Variants in DCC observed in about 807,000 individuals in gnomAD.
DCC encodes the protein netrin receptor DCC.
A neutral mutation model predicts 172.5 loss-of-function variants in DCC; 58 were observed. The ratio of observed to expected loss-of-function variants is 0.34; its 90% CI spans 0.27 to 0.42. The LOEUF is 0.42. DCC is among the 10% of genes least tolerant of loss of function. The pLI is 1.00. For synonymous variants in DCC, 709 were observed against 644.5 expected (o/e 1.10, Z -1.52); for missense variants, 1,740 against 1,791.0 (o/e 0.97, Z 0.51).
At chr18:52,464,213 C>T (rs185848787) in intron 1 of DCC, among the ~76,000 whole-genome samples, 2 of 152,192 alleles carry the variant, frequency 1.3e-5, no homozygotes, top group East Asian at 3.9e-4. Flanking sequence ...ACAAATTCAT[C>T]CTAGTTCGGG....
intron 2 of DCC, among the ~76,000 whole-genome samples, chr18:52,867,349 TTG>T (rs1201297463): frequency 6.6e-6 from 1 of 152,188 alleles, no homozygotes; most frequent in African/African-American, 2.4e-5. Flanking sequence ...TCCTTTTTTG[TTG>T]TGTCTCTGTC....
At chr18:52,570,419 T>C (rs1382700693) in intron 1 of DCC, among the ~76,000 whole-genome samples, 5 of 152,216 alleles carry the variant, frequency 3.3e-5, no homozygotes, top group Non-Finnish European at 7.3e-5. Flanking sequence ...TCTGGGTTTG[T>C]TGGTTTTGCA....
intron 1 of DCC, among the ~76,000 whole-genome samples, chr18:52,502,159 A>G (rs1262509538): frequency 6.6e-6 from 1 of 152,190 alleles, no homozygotes; most frequent in East Asian, 1.9e-4. Context: ...AGTTTGTATT[A>G]TAGATATATA....
chr18:52,483,573 C>T (rs1193085043), intron 1 of DCC, among the ~76,000 whole-genome samples: 1 of 152,016 alleles, frequency 6.6e-6, no homozygotes, highest in East Asian at 1.9e-4. Flanking sequence ...GCATTATATT[C>T]TTGTCTAGCT....
chr18:53,046,921 T>G (rs1197768749), intron 5 of DCC, among the ~76,000 whole-genome samples: 1 of 151,718 alleles, frequency 6.6e-6, no homozygotes, highest in Non-Finnish European at 1.5e-5. Context: ...CTCCTGTCTT[T>G]CATTTTTTTA....
Position 53,446,894 on chromosome 18 carries a change from T to C in DCC, c.3230-3606T>C, listed in dbSNP as rs201421540. Among the ~76,000 whole-genome samples the C allele has an allele frequency of 3.3e-5, 5 of 152,334 alleles. No homozygotes were observed. In the East Asian group the frequency reaches 9.6e-4, roughly 29 times the overall value. On this transcript the variant is annotated intron_variant, in intron 22 of 28. Coordinates refer to ENST00000442544, the MANE Select transcript of DCC (RefSeq NM_005215.4). ...TGTTTAAAATGGTCCCCAAATGTAGTGCTGAAGTGCTTTCTAGGTTCCTAA... is the reference window on the plus strand; with the variant it reads ...TGTTTAAAATGGTCCCCAAATGTAGCGCTGAAGTGCTTTCTAGGTTCCTAA...
At chr18:53,387,545 C>A (rs945639201) in intron 16 of DCC, among the ~76,000 whole-genome samples, 1 of 152,176 alleles carries the variant, frequency 6.6e-6, no homozygotes, top group African/African-American at 2.4e-5. Flanking sequence ...TATTTACTAT[C>A]AAACGTGTTA....
At chr18:52,740,395 C>A (rs930816536) in intron 1 of DCC, among the ~76,000 whole-genome samples, 1 of 152,092 alleles carries the variant, frequency 6.6e-6, no homozygotes, top group African/African-American at 2.4e-5. Context: ...TCTATTGAGA[C>A]AAGACACAGT....
At position 53,084,170 on chromosome 18, in the gene DCC, G is replaced by A. The variant is rs538959129; in HGVS notation, c.1261+18004G>A. Among the ~76,000 whole-genome samples the A allele has an allele frequency of 5.8e-4, 88 of 152,276 alleles. 1 individual carries two copies. The Middle Eastern group carries it at 0.01, about 18-fold the overall frequency. On this transcript the variant is annotated intron_variant, in intron 7 of 28. Transcript: ENST00000442544. ...TGGTGAAGGCTCTTTACAGAGTCCC[G>A]AGGTGGCTCAGGGCATCACATGGCA...
chr18:53,365,369 G>A (rs2057993670), intron 15 of DCC, among the ~76,000 whole-genome samples: 2 of 148,614 alleles, frequency 1.3e-5, no homozygotes, highest in South Asian at 4.2e-4. Flanking sequence ...TTGTGCACAG[G>A]TACCCTAGAA....
At chr18:53,296,368 T>C (rs1988344) in intron 12 of DCC, among the ~76,000 whole-genome samples, 22,411 of 152,136 alleles carry the variant, frequency 0.15, 2,329 homozygotes, top group African/African-American at 0.28. Context: ...AAATATTATG[T>C]GCCAGCACTC....
chr18:53,401,133 A>T (rs1209540165), intron 18 of DCC, among the ~76,000 whole-genome samples: 2 of 152,190 alleles, frequency 1.3e-5, no homozygotes, highest in African/African-American at 2.4e-5. Flanking sequence ...TGCCATAATG[A>T]ATCTGCATTT....
At chr18:52,865,108 T>G (rs4940219) in intron 2 of DCC, among the ~76,000 whole-genome samples, 146,320 of 152,064 alleles carry the variant, frequency 0.96, 70,651 homozygotes, top group Middle Eastern at 1. Flanking sequence ...CTCGTGATCC[T>G]CCCGCCTTGG....
chr18:52,672,730 CTT>C lies in DCC; in HGVS notation c.92-79322_92-79321del, dbSNP rs1361832768. On this transcript the variant is annotated intron_variant, in intron 1 of 28. Transcript: ENST00000442544. ...AGGAGCTTCCTTCTTTCCTTTCCCT[CTT>C]TACCTTTTTTGTCCACCTTTGATGA... 3.4e-5 allele frequency among the ~76,000 whole-genome samples: 5 copies of C among 146,256 alleles called. No homozygotes were observed. In the East Asian group the frequency reaches 1.0e-3, roughly 31 times the overall value.
rs117099209 is a variant in DCC, at chr18:53,231,540, C to T, written c.1911+15943C>T. Among the ~76,000 whole-genome samples the T allele has an allele frequency of 5.5e-3, 843 of 152,088 alleles. 6 individuals are homozygous for T. Among genetic ancestry groups the T allele is most frequent in the Admixed American group, 0.023 (352 of 15,268 alleles). Reference sequence around the variant, plus strand: ...GCCTGTCTTTGCAGAAGATTGTGACCAATGATATAATGAGTTTGAGGAGGC... The same window carrying T: ...GCCTGTCTTTGCAGAAGATTGTGACTAATGATATAATGAGTTTGAGGAGGC... On this transcript the variant is annotated intron_variant, in intron 12 of 28. Coordinates refer to ENST00000442544, the MANE Select transcript of DCC (RefSeq NM_005215.4).
chr18:52,421,537 G>T (rs1032825923), intron 1 of DCC, among the ~76,000 whole-genome samples: 1 of 152,182 alleles, frequency 6.6e-6, no homozygotes, highest in African/African-American at 2.4e-5. Context: ...CCCCAGCCCT[G>T]CCTCAGGCTC....
chr18:53,351,409 A>ATATATACAG (rs2057804974), intron 15 of DCC, among the ~76,000 whole-genome samples: 2 of 14,640 alleles, frequency 1.4e-4, no homozygotes, highest in African/African-American at 5.9e-4. Flanking sequence ...GTGTATATAT[A>ATATATACAG]TATATATACA....
intron 7 of DCC, among the ~76,000 whole-genome samples, chr18:53,097,888 G>A (rs2043110253): frequency 6.6e-6 from 1 of 152,098 alleles, no homozygotes; most frequent in African/African-American, 2.4e-5. Flanking sequence ...GAGTCTCACT[G>A]TTGTGCCCTC....
intron 7 of DCC, among the ~76,000 whole-genome samples, chr18:53,104,226 C>G (rs1440540728): frequency 6.6e-6 from 1 of 151,940 alleles, no homozygotes; most frequent in Admixed American, 6.6e-5. Flanking sequence ...CTTTTAAGAC[C>G]TAGTGATATG....
Sources: gnomAD v4.1 joint callset for allele counts (sites outside exome capture counted in the v4.1 genomes callset) on GRCh38, gnomAD v4.1.1 for gene constraint, MANE v1.5 for transcripts, NCBI Gene and HGNC (gene_info 2026-07-23, HGNC 2026-07-21) for gene names.